ACOT11: variants seen among roughly 807,000 people sequenced by gnomAD.
The protein encoded by ACOT11 is acyl-coenzyme A thioesterase 11.
Under a neutral mutation model 77.5 loss-of-function variants are expected in ACOT11, and 69 were observed. That is an observed-to-expected ratio of 0.89 (90% CI 0.73 to 1.09). The LOEUF is 1.09. ACOT11 is among the 50% of genes least tolerant of loss of function. ACOT11 has a pLI of 0.00. For missense variants in ACOT11, 766 were observed against 813.7 expected (o/e 0.94, Z 0.71); for synonymous variants, 279 against 313.0 (o/e 0.89, Z 1.15).
chr1:54,554,864 A>G (rs1024173785), intron 1 of ACOT11, among the ~76,000 whole-genome samples: 2 of 152,350 alleles, frequency 1.3e-5, no homozygotes, highest in Non-Finnish European at 1.5e-5. Flanking sequence ...ACTGTTTTCC[A>G]TAATGGCTGT....
chr1:54,613,658 AG>A (rs1157488913), downstream of ACOT11, among the ~76,000 whole-genome samples: 1 of 152,202 alleles, frequency 6.6e-6, no homozygotes, highest in Non-Finnish European at 1.5e-5. Context: ...CTTCTTCAAA[AG>A]ATGCAAACTT....
rs1225146029 is a variant in ACOT11 at position 54,603,904 on chromosome 1, G to T, written c.1119G>T (p.Val373=). Residue 373 remains valine, a synonymous_variant, in exon 11 of 16, where the codon GTG becomes GTT. Coordinates refer to ENST00000343744, the MANE Select transcript of ACOT11 (RefSeq NM_147161.4). The part of the protein sequence containing the change: ...KYIVSCKQTE[V]PLSVPWDPSN... ...TCGTGTCCTGTAAGCAGACAGAGGT[G>T]CCCCTCTCCGTCCCCTGGGACCCTA... 1 of 1,613,990 alleles carries T rather than the reference G, an allele frequency of 6.2e-7. No individual in the cohort carries two copies. The highest frequency in any genetic ancestry group is 1.3e-5 in the African/African-American group (1 of 74,904).
At chr1:54,582,100 T>C (rs7523764) in intron 1 of ACOT11, among the ~76,000 whole-genome samples, 29,683 of 152,140 alleles carry the variant, frequency 0.2, 4,272 homozygotes, top group African/African-American at 0.4. Context: ...GGGCCCTGCT[T>C]AGAGGAGCAC....
intron 3 of ACOT11, 66 bp from the exon 4 acceptor site, chr1:54,592,480 A>G (rs369920187): frequency 2.0e-6 from 3 of 1,480,784 alleles, no homozygotes; most frequent in African/African-American, 1.4e-5. Context: ...CTCTGCAAGT[A>G]TCTGAGGCCC....
At chr1:54,573,331 G>T in intron 1 of ACOT11, 1 of 732,052 alleles carries the variant, frequency 1.4e-6, no homozygotes, top group Non-Finnish European at 1.7e-6. Flanking sequence ...GTGCATATAT[G>T]TGCAAGTTAC....
chr1:54,615,825 G>C (rs1166173870), intron 15 of ACOT11, among the ~76,000 whole-genome samples: 1 of 152,216 alleles, frequency 6.6e-6, no homozygotes, highest in East Asian at 1.9e-4. Context: ...GAAAACACCA[G>C]GACCTGCACT....
chr1:54,556,604 C>T (rs191351007), intron 1 of ACOT11, among the ~76,000 whole-genome samples: 16 of 150,028 alleles, frequency 1.1e-4, no homozygotes, highest in African/African-American at 2.2e-4. Context: ...TTTTTTGAGA[C>T]AGAGTCTCAC....
chr1:54,614,968 AG>A, downstream of ACOT11: 1 of 1,077,312 alleles, frequency 9.3e-7, no homozygotes, highest in Non-Finnish European at 1.3e-6. Context: ...GTGCGTGCAC[AG>A]TGGAGTCAGG....
rs201771220 is a variant in ACOT11, at chr1:54,584,849, G to A, written c.228G>A (p.Thr76=). Residue 76 remains threonine (T), a synonymous_variant, in exon 2 of 16, where the codon ACG becomes ACA. Transcript: ENST00000343744. This position sits in a 1 kb window ranked among gnomAD's most constrained non-coding sequence, Gnocchi z 6.3. ...VGQLLKWIDT[T]ACLSAERHAG... is the part of the protein sequence containing the mutation. Reference sequence around the variant, plus strand: ...AGCTGCTCAAGTGGATTGACACCACGGCTTGCCTGTCCGGTAAGGCTGCGC... The same window carrying A: ...AGCTGCTCAAGTGGATTGACACCACAGCTTGCCTGTCCGGTAAGGCTGCGC... 2.5e-5 allele frequency: 40 copies of A among 1,613,192 alleles called. No individual in the cohort carries two copies. Among genetic ancestry groups the A allele is most frequent in the Middle Eastern group, 1.7e-4 (1 of 6,034 alleles).
chr1:54,553,221 T>A (rs11806105), intron 1 of ACOT11, among the ~76,000 whole-genome samples: 22,089 of 150,604 alleles, frequency 0.15, 3,319 homozygotes, highest in African/African-American at 0.39. Flanking sequence ...CATTAAAAAA[T>A]TTTTTTTTAA....
At chr1:54,561,800 C>A in intron 1 of ACOT11, among the ~76,000 whole-genome samples, 1 of 123,420 alleles carries the variant, frequency 8.1e-6, no homozygotes, top group African/African-American at 3.2e-5. Flanking sequence ...CCCCACCTCC[C>A]TCCCGGACGG....
In ACOT11 at chr1:54,548,306, C is replaced by T. The variant is rs199997488; in HGVS notation, c.-4C>T. 164 of 1,596,050 alleles carry T rather than the reference C, an allele frequency of 1.0e-4. No homozygotes were observed. Among genetic ancestry groups the T allele is most frequent in the East Asian group, 3.4e-4 (15 of 44,150 alleles). On this transcript the variant is annotated 5_prime_UTR_variant, in exon 1 of 16. Coordinates refer to ENST00000343744, the MANE Select transcript of ACOT11 (RefSeq NM_147161.4). ...GGCGCTGCTTTCCCCGGCCACCCGG[C>T]GCGATGATCCAGAATGTCGGAAATC... is the stretch of plus-strand genomic sequence containing the variant.
chr1:54,548,494 C>G (rs975055613), intron 1 of ACOT11, 152 bp downstream of exon 1: 1 of 996,448 alleles, frequency 1.0e-6, no homozygotes, highest in East Asian at 2.6e-5. Context: ...AATCGCAGAA[C>G]CCCTGGGCTG....
At chr1:54,611,161 AGG>A, downstream of ACOT11, 1 of 525,046 alleles carries the variant, frequency 1.9e-6, no homozygotes, top group Non-Finnish European at 2.4e-6. Flanking sequence ...TGGGTCAGGC[AGG>A]TGGCTCATGC....
chr1:54,625,223 G>T (rs1415169160), intron 15 of ACOT11, among the ~76,000 whole-genome samples: 1 of 87,156 alleles, frequency 1.1e-5, no homozygotes, highest in Non-Finnish European at 2.9e-5. Flanking sequence ...GATCTAGTCT[G>T]TCTGGGCTTC....
intron 15 of ACOT11, among the ~76,000 whole-genome samples, chr1:54,617,620 C>T (rs1376198997): frequency 5.3e-5 from 8 of 151,366 alleles, no homozygotes; most frequent in Non-Finnish European, 1.2e-4. Flanking sequence ...TTCCAGGCAC[C>T]CAGCTTCTCC....
At chr1:54,623,277 C>G (rs758090031) in intron 15 of ACOT11, 30 of 1,612,256 alleles carry the variant, frequency 1.9e-5, no homozygotes, top group Non-Finnish European at 2.5e-5. Flanking sequence ...GAGGCACCTA[C>G]CTGGCCGCCG....
intron 1 of ACOT11, among the ~76,000 whole-genome samples, chr1:54,581,905 C>T (rs1212046226): frequency 6.6e-6 from 1 of 152,230 alleles, no homozygotes; most frequent in Non-Finnish European, 1.5e-5. Flanking sequence ...CCTGGCCTGG[C>T]ATGCCCTAAT....
intron 15 of ACOT11, among the ~76,000 whole-genome samples, chr1:54,626,460 G>A (rs1173863414): frequency 6.6e-6 from 1 of 151,638 alleles, no homozygotes; most frequent in African/African-American, 2.4e-5. Context: ...TTCCTACAAA[G>A]TGTCCCACAT....
Sources: allele counts gnomAD v4.1 joint callset (sites outside exome capture counted in the v4.1 genomes callset), GRCh38; gene constraint gnomAD v4.1.1; non-coding constraint Gnocchi (gnomAD v3.1); transcripts MANE v1.5; gene names NCBI Gene and HGNC (gene_info 2026-07-23, HGNC 2026-07-21).